LUZP2: variants seen among roughly 807,000 people sequenced by gnomAD.
LUZP2 encodes the protein leucine zipper protein 2.
In LUZP2, 52 loss-of-function variants were observed where a neutral mutation model predicts 51.6. That is an observed-to-expected ratio of 1.01 (90% CI 0.81 to 1.27). The LOEUF is 1.27. Ranked by LOEUF, LUZP2 falls within the 50% of genes most tolerant of loss-of-function variation. LUZP2 has a pLI of 0.00. For missense variants in LUZP2, 436 were observed against 395.4 expected (o/e 1.10, Z -0.87); for synonymous variants, 154 against 137.3 (o/e 1.12, Z -0.85).
intron 9 of LUZP2, among the ~76,000 whole-genome samples, chr11:25,027,873 A>AAAG (rs1857539508): frequency 1.4e-5 from 2 of 145,452 alleles, no homozygotes; most frequent in Admixed American, 6.7e-5. Context: ...CCGTCTCAAA[A>AAAG]AAAAAAAAAA....
intron 5 of LUZP2, among the ~76,000 whole-genome samples, chr11:24,808,146 C>G (rs555075416): frequency 2.0e-4 from 31 of 152,208 alleles, no homozygotes; most frequent in Non-Finnish European, 4.0e-4. Context: ...AAGATTACTT[C>G]CAATTTTAAA....
intron 10 of LUZP2, among the ~76,000 whole-genome samples, chr11:25,054,150 G>A (rs979017283): frequency 6.6e-5 from 10 of 152,102 alleles, no homozygotes; most frequent in African/African-American, 2.2e-4. Flanking sequence ...CCAGTTTTTG[G>A]GGTGGTAGTT....
At chr11:24,541,271 A>AT (rs1201834996) in intron 1 of LUZP2, among the ~76,000 whole-genome samples, 10 of 151,626 alleles carry the variant, frequency 6.6e-5, no homozygotes, top group African/African-American at 2.4e-4. Flanking sequence ...AAAAAAAAAA[A>AT]AAAAAAGGAG....
intron 1 of LUZP2, among the ~76,000 whole-genome samples, chr11:24,562,005 T>C (rs1852056413): frequency 6.6e-6 from 1 of 152,040 alleles, no homozygotes; most frequent in Non-Finnish European, 1.5e-5. Flanking sequence ...ATTTGAATTA[T>C]GTGTGGCTGG....
chr11:24,634,421 T>C lies in LUZP2; in HGVS notation c.63-94748T>C, dbSNP rs1565043297. 3.9e-5 allele frequency among the ~76,000 whole-genome samples: 6 copies of C among 152,148 alleles called. No homozygotes were observed. The South Asian group carries it at 1.2e-3, about 32-fold the overall frequency. ...AATTGGTCCACATAGTTTATTTTCA[T>C]TGAGGTAGTGGCTAAAAATTACATA... On this transcript the variant is annotated intron_variant, in intron 1 of 11. Transcript: ENST00000336930.
In LUZP2 at chr11:25,080,314, T is replaced by G. The variant is rs1859428986; in HGVS notation, c.*1656T>G. On this transcript the variant is annotated 3_prime_UTR_variant, in exon 12 of 12. Coordinates refer to ENST00000336930, the MANE Select transcript of LUZP2 (RefSeq NM_001009909.4). Reference sequence around the variant, plus strand: ...CAACTGTAGGATGAGGTATATGTTCTGAGCACGTTTAAGCAGGTTTAAGTT... The same window carrying G: ...CAACTGTAGGATGAGGTATATGTTCGGAGCACGTTTAAGCAGGTTTAAGTT... The G allele has an allele frequency of 6.6e-6, 1 of 152,216 alleles. No homozygotes were observed. Among genetic ancestry groups the G allele is most frequent in the Non-Finnish European group, 1.5e-5 (1 of 68,048 alleles). 9.4% of individuals were successfully genotyped at this position (152,216 alleles called of 1,614,324 possible).
chr11:25,066,775 G>A (rs1236018915), intron 10 of LUZP2, among the ~76,000 whole-genome samples: 1 of 151,858 alleles, frequency 6.6e-6, no homozygotes, highest in Non-Finnish European at 1.5e-5. Flanking sequence ...ACAATCCAGA[G>A]ATGAAATAAA....
rs1857630240 is a variant in LUZP2 at position 25,030,895 on chromosome 11, A to ATATATATAATATATATTGTAT, written c.766-19135_766-19134insATATATATTGTATTATATATA. 6.3e-4 allele frequency among the ~76,000 whole-genome samples: 3 copies of ATATATATAATATATATTGTAT among 4,788 alleles called. No homozygotes were observed. In the Non-Finnish European group the frequency reaches 0.019, roughly 30 times the overall value. The allele number at this position is 4,788 out of a possible 152,430, so 3.1% of individuals were successfully genotyped here. A position where few individuals can be genotyped will look rare whatever the true frequency, so the allele number is the denominator to read the frequency against. On this transcript the variant is annotated intron_variant, in intron 9 of 11. Transcript: ENST00000336930. The stretch of plus-strand genomic sequence containing the variant: ...ATATGTGTGTTACTATATATATTAT[A>ATATATATAATATATATTGTAT]TATATATATAATATATATTGTATTA...
chr11:24,952,332 C>T (rs1394765301), intron 7 of LUZP2, among the ~76,000 whole-genome samples: 3 of 151,574 alleles, frequency 2.0e-5, no homozygotes, highest in African/African-American at 7.2e-5. Flanking sequence ...TTTGCAGGCA[C>T]CTATATAATT....
intron 7 of LUZP2, among the ~76,000 whole-genome samples, chr11:24,917,434 C>A (rs1354448802): frequency 6.6e-6 from 1 of 152,034 alleles, no homozygotes; most frequent in Non-Finnish European, 1.5e-5. Flanking sequence ...AATGGTATTG[C>A]CTAGGTTTTC....
At chr11:24,618,753 A>G (rs1854383643) in intron 1 of LUZP2, among the ~76,000 whole-genome samples, 1 of 152,112 alleles carries the variant, frequency 6.6e-6, no homozygotes, top group African/African-American at 2.4e-5. Flanking sequence ...TGTTTTATAT[A>G]TAATGGCCAG....
chr11:24,714,091 A>C (rs1343334992), intron 1 of LUZP2, among the ~76,000 whole-genome samples: 2 of 152,054 alleles, frequency 1.3e-5, no homozygotes, highest in Admixed American at 6.5e-5. Flanking sequence ...TAGCATTTAC[A>C]CATTGTATTT....
intron 5 of LUZP2, among the ~76,000 whole-genome samples, chr11:24,835,758 G>A (rs1004655116): frequency 6.6e-6 from 1 of 151,940 alleles, no homozygotes; most frequent in Non-Finnish European, 1.5e-5. Flanking sequence ...AAGAAATTTG[G>A]TATTAGCAAT....
chr11:24,883,983 G>T (rs1451461278), intron 5 of LUZP2, among the ~76,000 whole-genome samples: 1 of 151,986 alleles, frequency 6.6e-6, no homozygotes, highest in African/African-American at 2.4e-5. Context: ...TGGCTTTATT[G>T]ATGCTGGAAT....
intron 5 of LUZP2, among the ~76,000 whole-genome samples, chr11:24,816,714 T>C (rs1456216081): frequency 6.6e-6 from 1 of 152,042 alleles, no homozygotes; most frequent in Admixed American, 6.6e-5. Context: ...TGTTAAGTGT[T>C]TTACAAACAT....
intron 5 of LUZP2, among the ~76,000 whole-genome samples, chr11:24,779,892 A>G (rs1849037902): frequency 6.6e-6 from 1 of 152,030 alleles, no homozygotes; most frequent in African/African-American, 2.4e-5. Flanking sequence ...GAAGATGCCG[A>G]CTTTGATAAT....
intron 5 of LUZP2, among the ~76,000 whole-genome samples, chr11:24,848,267 A>G (rs1246732547): frequency 6.6e-6 from 1 of 152,032 alleles, no homozygotes; most frequent in African/African-American, 2.4e-5. Flanking sequence ...ATCTAATCCA[A>G]CTCCTTAGAG....
chr11:24,811,885 G>A (rs920258625), intron 5 of LUZP2, among the ~76,000 whole-genome samples: 4 of 152,222 alleles, frequency 2.6e-5, no homozygotes, highest in East Asian at 1.9e-4. Context: ...AAAGGTCAGC[G>A]AATGGGGCCA....
At chr11:24,815,450 G>C (rs1366082103) in intron 5 of LUZP2, among the ~76,000 whole-genome samples, 2 of 152,142 alleles carry the variant, frequency 1.3e-5, no homozygotes, top group Non-Finnish European at 2.9e-5. Context: ...TGGATGTTTT[G>C]ATACCTAATA....
Sources: gnomAD v4.1 joint callset for allele counts (sites outside exome capture counted in the v4.1 genomes callset) on GRCh38, gnomAD v4.1.1 for gene constraint, MANE v1.5 for transcripts, NCBI Gene and HGNC (gene_info 2026-07-23, HGNC 2026-07-21) for gene names.